Variants in SUGCT observed in about 807,000 individuals in gnomAD.
SUGCT encodes the protein succinyl-CoA:glutarate-CoA transferase.
In SUGCT, 41 loss-of-function variants were observed where a neutral mutation model predicts 55.0. That is an observed-to-expected ratio of 0.74 (90% CI 0.58 to 0.97). The LOEUF (loss-of-function observed/expected upper bound fraction) is 0.97, where lower values mean the gene tolerates loss of function less well. Ranked by LOEUF, SUGCT falls within the 50% of genes least tolerant of loss-of-function variation. The pLI is 0.00. For missense variants in SUGCT, 568 were observed against 547.8 expected (o/e 1.04, Z -0.37); for synonymous variants, 187 against 200.4 (o/e 0.93, Z 0.56).
At chr7:40,928,240 T>C in the SUGCT span, among the ~76,000 whole-genome samples, 1 of 152,060 alleles carries the variant, frequency 6.6e-6, no homozygotes, top group Admixed American at 6.5e-5. Context: ...AAATGTTTCT[T>C]TTTCAACATC....
chr7:40,523,187 G>T (rs1448494948), intron 12 of SUGCT, among the ~76,000 whole-genome samples: 1 of 151,928 alleles, frequency 6.6e-6, no homozygotes, highest in African/African-American at 2.4e-5. Flanking sequence ...TTTTTTATAT[G>T]ATATTATTGG....
At chr7:40,730,942 C>A (rs1172675107) in intron 12 of SUGCT, among the ~76,000 whole-genome samples, 1 of 152,130 alleles carries the variant, frequency 6.6e-6, no homozygotes, top group Non-Finnish European at 1.5e-5. Context: ...GATTCCATAT[C>A]TTGGTATTGT....
chr7:40,717,916 A>G (rs1209375010), intron 12 of SUGCT, among the ~76,000 whole-genome samples: 2 of 146,160 alleles, frequency 1.4e-5, no homozygotes, highest in African/African-American at 2.4e-5. Context: ...AATGAGAAGT[A>G]TATTCTCCTC....
intron 9 of SUGCT, among the ~76,000 whole-genome samples, chr7:40,440,731 T>G (rs1167511339): frequency 6.6e-6 from 1 of 152,094 alleles, no homozygotes; most frequent in Non-Finnish European, 1.5e-5. Context: ...CAACATTATG[T>G]CCACCTCTCC....
chr7:40,224,431 C>T (rs866868104), intron 6 of SUGCT, among the ~76,000 whole-genome samples: 6 of 127,418 alleles, frequency 4.7e-5, no homozygotes, highest in Admixed American at 1.5e-4. Flanking sequence ...TGTGTGTGTG[C>T]ATGCATGTGT....
At position 40,320,107 on chromosome 7, in the gene SUGCT, ATTTTTTGTTTT is replaced by A. The variant is rs1795647141; in HGVS notation, c.816+3260_816+3270del. On this transcript the variant is annotated intron_variant, in intron 9 of 13. Coordinates refer to ENST00000335693, the MANE Select transcript of SUGCT (RefSeq NM_001193313.2). ...ATTAATAGTTACATAATATTTGTTA[ATTTTTTGTTTT>A]TTTTTTGAGATAGAGTCTCGCTCTG... Among the ~76,000 whole-genome samples the A allele has an allele frequency of 5.4e-5, 5 of 92,134 alleles. No homozygotes were observed. The South Asian group carries it at 1.9e-3, about 35-fold the overall frequency. 60.4% of individuals were successfully genotyped at this position (92,134 alleles called of 152,430 possible). A position where few individuals can be genotyped will look rare whatever the true frequency, so the allele number is the denominator to read the frequency against.
chr7:40,654,363 T>C (rs1800920103), intron 12 of SUGCT, among the ~76,000 whole-genome samples: 1 of 152,172 alleles, frequency 6.6e-6, no homozygotes, highest in Admixed American at 6.5e-5. Flanking sequence ...TGCCATCCAA[T>C]CTGTCTAGTA....
rs572570863 is a variant in SUGCT at position 40,860,757 on chromosome 7, G to A, written c.*278G>A. On this transcript the variant is annotated 3_prime_UTR_variant, in exon 14 of 14. Transcript: ENST00000335693. The stretch of plus-strand genomic sequence containing the variant: ...AAAATAAAGTTTTAATTTTTTTCCT[G>A]GAAAAATGCACTCCTTATTCTACTT... 11 of 270,138 alleles carry A rather than the reference G, an allele frequency of 4.1e-5. No individual in the cohort carries two copies. Among genetic ancestry groups the A allele is most frequent in the African/African-American group, 2.2e-4 (10 of 45,484 alleles). 16.7% of individuals were successfully genotyped at this position (270,138 alleles called of 1,614,324 possible).
At chr7:40,456,387 A>G (rs1187746234) in intron 10 of SUGCT, among the ~76,000 whole-genome samples, 1 of 152,204 alleles carries the variant, frequency 6.6e-6, no homozygotes, top group South Asian at 2.1e-4. Flanking sequence ...TAATGTCTGC[A>G]ATATCATACA....
chr7:40,321,375 C>A (rs1380663616), intron 9 of SUGCT, among the ~76,000 whole-genome samples: 1 of 150,666 alleles, frequency 6.6e-6, no homozygotes, highest in Non-Finnish European at 1.5e-5. Context: ...CCGTGCCCAG[C>A]CATTTTTGTT....
intron 9 of SUGCT, among the ~76,000 whole-genome samples, chr7:40,393,573 G>A (rs1785557315): frequency 1.3e-5 from 2 of 152,284 alleles, no homozygotes; most frequent in South Asian, 4.1e-4. Flanking sequence ...GGGGGGTTGA[G>A]ATGGTAGAAT....
chr7:40,550,941 TC>T (rs1165500280), intron 12 of SUGCT, among the ~76,000 whole-genome samples: 1 of 152,192 alleles, frequency 6.6e-6, no homozygotes, highest in Non-Finnish European at 1.5e-5. Context: ...ATTCTTGCCT[TC>T]TGTTTTACCC....
intron 13 of SUGCT, among the ~76,000 whole-genome samples, chr7:40,772,660 C>G (rs1016642826): frequency 1.2e-4 from 18 of 151,676 alleles, no homozygotes; most frequent in African/African-American, 4.4e-4. Flanking sequence ...GACAGGGTCT[C>G]ACTCTGTTGC....
chr7:40,981,704 C>G, the SUGCT span, among the ~76,000 whole-genome samples: 3 of 152,206 alleles, frequency 2.0e-5, no homozygotes, highest in African/African-American at 7.2e-5. Flanking sequence ...TCATGGCTCA[C>G]AAGTTCCACC....
At chr7:40,782,152 C>T (rs1377211055) in intron 13 of SUGCT, among the ~76,000 whole-genome samples, 1 of 151,882 alleles carries the variant, frequency 6.6e-6, no homozygotes, top group Non-Finnish European at 1.5e-5. Flanking sequence ...TTTAGAAGTA[C>T]AGTGTTAATT....
chr7:40,579,138 A>G (rs1454627075), intron 12 of SUGCT, among the ~76,000 whole-genome samples: 1 of 151,116 alleles, frequency 6.6e-6, no homozygotes, highest in African/African-American at 2.4e-5. Context: ...TTTTTTTTTT[A>G]AATAACTTTT....
At chr7:40,503,839 G>A (rs1216573317) in intron 12 of SUGCT, among the ~76,000 whole-genome samples, 3 of 152,054 alleles carry the variant, frequency 2.0e-5, no homozygotes, top group Non-Finnish European at 2.9e-5. Flanking sequence ...AGTACATATC[G>A]GTATGATAAA....
At chr7:40,702,728 T>A (rs1785219808) in intron 12 of SUGCT, among the ~76,000 whole-genome samples, 1 of 152,150 alleles carries the variant, frequency 6.6e-6, no homozygotes, top group Non-Finnish European at 1.5e-5. Context: ...TAACAAGGTG[T>A]TCTTTTAATG....
At chr7:40,969,209 A>G in the SUGCT span, among the ~76,000 whole-genome samples, 42 of 152,336 alleles carry the variant, frequency 2.8e-4, 1 homozygote, top group South Asian at 6.8e-3. Context: ...CTCATGTTAC[A>G]TGGTCTGTCT....
Sources: gnomAD v4.1 joint callset for allele counts (sites outside exome capture counted in the v4.1 genomes callset) on GRCh38, gnomAD v4.1.1 for gene constraint, MANE v1.5 for transcripts, NCBI Gene and HGNC (gene_info 2026-07-23, HGNC 2026-07-21) for gene names.